Variants in CFAP65 observed in about 807,000 individuals in gnomAD.
The protein encoded by CFAP65 is cilia and flagella associated protein 65.
A neutral mutation model predicts 208.0 loss-of-function variants in CFAP65; 155 were observed. The observed-to-expected ratio is 0.75, with a 90% CI of 0.65 to 0.85. CFAP65 has a LOEUF of 0.85. CFAP65 is among the 40% of genes least tolerant of loss of function. The probability of loss-of-function intolerance (pLI) is 0.00; values close to 1 mark genes in which losing one functional copy is unlikely to be tolerated. For missense variants in CFAP65, 2,294 were observed against 2,451.3 expected (o/e 0.94, Z 1.36); for synonymous variants, 970 against 986.3 (o/e 0.98, Z 0.31).
Position 219,003,349 on chromosome 2 carries a change from A to C in CFAP65, c.5556-77T>G. On this transcript the variant is annotated intron_variant, in intron 33 of 34. Transcript: ENST00000341552. The surrounding 1 kb of genome is among the most constrained non-coding windows in gnomAD (Gnocchi z 4.4). ...CCTCGCTCGCCTGTCCGTGCGGTAC[A>C]TTGTGCCGCGAGCTCTACGGAGATT... 1 of 1,445,850 alleles carries C rather than the reference A, an allele frequency of 6.9e-7. No individual in the cohort carries two copies. Among genetic ancestry groups the C allele is most frequent in the Non-Finnish European group, 9.1e-7 (1 of 1,098,424 alleles). The allele number at this position is 1,445,850 out of a possible 1,614,324, so 89.6% of individuals were successfully genotyped here. A position where few individuals can be genotyped will look rare whatever the true frequency, so the allele number is the denominator to read the frequency against.
intron 31 of CFAP65, 129 bp from the exon 32 acceptor site, chr2:219,005,691 A>G: frequency 9.3e-7 from 1 of 1,073,792 alleles, no homozygotes; most frequent in South Asian, 1.5e-5. Context: ...GCCTTAACCC[A>G]AATGTAGTGC....
intron 21 of CFAP65, chr2:219,018,296 C>T (rs548204764): frequency 6.6e-6 from 1 of 152,300 alleles, no homozygotes; most frequent in Admixed American, 6.5e-5. Context: ...AACAAAGGCA[C>T]ATGGTGGAGG....
chr2:219,023,983 AAGGACCC>A lies in CFAP65; in HGVS notation c.2595+25_2595+31del, dbSNP rs754175885. ...TGGTTCAAGATTATGGCCCATTCCC[AAGGACCC>A]AGGTCCCCTCCCTCTGCCTCCTACC... On this transcript the variant is annotated intron_variant, in intron 15 of 34. Transcript: ENST00000341552. 1.1e-5 allele frequency: 18 copies of A among 1,600,606 alleles called. No homozygotes were observed. In the African/African-American group the frequency reaches 1.7e-4, roughly 15 times the overall value.
chr2:219,035,240 A>C, intron 5 of CFAP65: 7 of 1,363,936 alleles, frequency 5.1e-6, no homozygotes, highest in Non-Finnish European at 6.8e-6. Flanking sequence ...GAAACAGCCC[A>C]AACTTCCTTC....
Position 219,024,137 on chromosome 2 carries a change from T to A in CFAP65, c.2473A>T (p.Thr825Ser). The change falls in exon 15 of 35, where the codon ACT becomes TCT. Residue 825 changes from threonine (T) to serine (S), a missense_variant. Around this residue, in one of 2 missense-constraint regions of CFAP65, gnomAD observed 1,427 missense variants for 1,438.7 expected, o/e 0.99. Transcript: ENST00000341552. ...GCCCCGGGTGCCACAAGGCCCGAAG[T>A]GGGCCGAAGGATGACGTCTGAGCCT... ...QRGSDVILRP[T>S]SGLVAPGAHQ... is the part of the protein sequence containing the mutation. 6.2e-7 allele frequency: 1 copy of A among 1,613,936 alleles called. No individual in the cohort carries two copies. The highest frequency in any genetic ancestry group is 8.5e-7 in the Non-Finnish European group (1 of 1,180,008).
chr2:219,026,240 C>T, intron 13 of CFAP65, 81 bp from the exon 14 acceptor site: 1 of 1,481,702 alleles, frequency 6.7e-7, no homozygotes. Flanking sequence ...CCTCCTTGCC[C>T]TTGTGCTGCA....
rs1266245021 is a variant in CFAP65 at position 219,009,037 on chromosome 2, C to T, written c.4674+10G>A. The T allele has an allele frequency of 2.5e-6, 4 of 1,602,954 alleles. No individual in the cohort carries two copies. The highest frequency in any genetic ancestry group is 2.7e-5 in the African/African-American group (2 of 74,734). On this transcript the variant is annotated intron_variant, in intron 29 of 34. Transcript: ENST00000341552. ...ATCTGGGTGTTTGAGATCTACTCAG[C>T]CCTCCTCACCTTCACTTTCATGTCG... is the stretch of plus-strand genomic sequence containing the variant.
intron 21 of CFAP65, 118 bp from the exon 22 acceptor site, chr2:219,014,162 C>T (rs1946680746): frequency 1.2e-6 from 1 of 852,640 alleles, no homozygotes; most frequent in African/African-American, 1.7e-5. Context: ...ACTTCATGCA[C>T]CCATTTGGCA....
In CFAP65 at chr2:219,024,143, G is replaced by A. The variant is rs145857098; in HGVS notation, c.2467C>T (p.Arg823Trp). ...APQRGSDVIL[R>W]PTSGLVAPGA... Reference sequence around the variant, plus strand: ...GGTGCCACAAGGCCCGAAGTGGGCCGAAGGATGACGTCTGAGCCTCTCTGG... The same window carrying A: ...GGTGCCACAAGGCCCGAAGTGGGCCAAAGGATGACGTCTGAGCCTCTCTGG... The change falls in exon 15 of 35, where the codon CGG becomes TGG. Residue 823 changes from arginine (R) to tryptophan (W), a missense_variant. By Grantham distance (101) the Arg-to-Trp change is moderately radical. This residue lies in a region of CFAP65 where 1,427 missense variants were observed against 1,438.7 expected (regional missense o/e 0.99). Transcript: ENST00000341552. 1.3e-5 allele frequency: 21 copies of A among 1,614,026 alleles called. No individual in the cohort carries two copies. In the Middle Eastern group the frequency reaches 5.0e-4, roughly 38 times the overall value.
At chr2:219,015,008 A>G (rs1946764723) in intron 21 of CFAP65, 1 of 152,504 alleles carries the variant, frequency 6.6e-6, no homozygotes, top group African/African-American at 2.4e-5. Context: ...CATGCAACAC[A>G]CACCTGAGAG....
Position 219,029,472 on chromosome 2 carries a change from C to G in CFAP65, c.1581G>C (p.Leu527=), listed in dbSNP as rs2106220478. The G allele has an allele frequency of 6.2e-7, 1 of 1,614,096 alleles. No individual in the cohort carries two copies. The highest frequency in any genetic ancestry group is 1.3e-5 in the African/African-American group (1 of 75,042). ...GTLVGKARMT[L]HCAFQPTHPI... ...GGTGAGTGGGCTGGAAGGCACAGTG[C>G]AGGGTCATACGGGCCTTGCCCACCA... The change falls in exon 11 of 35, where the codon CTG becomes CTC. Residue 527 remains leucine, a synonymous_variant. Coordinates refer to ENST00000341552, the MANE Select transcript of CFAP65 (RefSeq NM_194302.4).
rs763833275 is a variant in CFAP65, at chr2:219,019,728, G to C, written c.3260-9C>G. 3.1e-6 allele frequency: 5 copies of C among 1,611,248 alleles called. No homozygotes were observed. Among genetic ancestry groups the C allele is most frequent in the Non-Finnish European group, 3.4e-6 (4 of 1,178,774 alleles). On this transcript the variant is annotated splice_polypyrimidine_tract_variant and intron_variant, in intron 19 of 34. Transcript: ENST00000341552. The stretch of plus-strand genomic sequence containing the variant: ...CTCCCCAGCCTTGTTATCTGGGGAG[G>C]GGGGTGAGGAAGACAGAAGTGGGCT...
At position 219,006,073 on chromosome 2, in the gene CFAP65, C is replaced by A; in HGVS notation, c.4870G>T (p.Asp1624Tyr). The A allele has an allele frequency of 6.2e-7, 1 of 1,613,504 alleles. No homozygotes were observed. Among genetic ancestry groups the A allele is most frequent in the South Asian group, 1.1e-5 (1 of 91,086 alleles). The part of the protein sequence containing the change: ...LGLTARAHAT[D>Y]YFLANFFSEF... ...GAGAAGAAGTTAGCCAGAAAGTAGT[C>A]GGTGGCATGGGCTCGGGCAGTAAGG... Residue 1624 changes from aspartate to tyrosine, a missense_variant, in exon 31 of 35, where the codon GAC becomes TAC. Physicochemically the swap from Asp to Tyr is radical, Grantham distance 160 (BLOSUM62 -3). Around this residue, in one of 2 missense-constraint regions of CFAP65, gnomAD observed 1,427 missense variants for 1,438.7 expected, o/e 0.99. Coordinates refer to ENST00000341552, the MANE Select transcript of CFAP65 (RefSeq NM_194302.4).
At chr2:219,009,290 A>C (rs1574528985) in intron 28 of CFAP65, 57 bp downstream of exon 28, 1 of 1,480,670 alleles carries the variant, frequency 6.8e-7, no homozygotes, top group Admixed American at 1.7e-5. Flanking sequence ...ATCACACCCC[A>C]CCCCAGCATT....
At position 219,019,150 on chromosome 2, in the gene CFAP65, G is replaced by A; in HGVS notation, c.3503C>T (p.Pro1168Leu). 2 of 1,614,102 alleles carry A rather than the reference G, an allele frequency of 1.2e-6. No homozygotes were observed. The highest frequency in any genetic ancestry group is 1.7e-6 in the Non-Finnish European group (2 of 1,179,986). Residue 1168 changes from proline to leucine, a missense_variant, in exon 21 of 35, where the codon CCT becomes CTT. Coordinates refer to ENST00000341552, the MANE Select transcript of CFAP65 (RefSeq NM_194302.4). ...SMSQIPPVLT[P>L]LRLDFNFGAA... The stretch of plus-strand genomic sequence containing the variant: ...CCCGAAATTGAAGTCAAGCCTTAAA[G>A]GGGTGAGGACGGGGGGGATCTGGCT...
chr2:219,032,570 G>T lies in CFAP65; in HGVS notation c.545C>A (p.Pro182His). The part of the protein sequence containing the change: ...SLKLQKMKYR[P>H]PKTKFFFTVI... ...CGTGAAGAAGAACTTGGTCTTGGGG[G>T]GCCTGCAGGAGAGAGCCGGTGGGGA... The change falls in exon 6 of 35, where the codon CCC (proline) becomes CAC (histidine). Residue 182 changes from proline (P) to histidine (H), a missense_variant and splice_region_variant. Physicochemically the swap from Pro to His is moderately conservative, Grantham distance 77. Coordinates refer to ENST00000341552, the MANE Select transcript of CFAP65 (RefSeq NM_194302.4). The surrounding 1 kb of genome is among the most constrained non-coding windows in gnomAD (Gnocchi z 5.5). The T allele has an allele frequency of 6.3e-7, 1 of 1,595,236 alleles. No homozygotes were observed.
intron 31 of CFAP65, 96 bp downstream of exon 31, chr2:219,005,925 C>T: frequency 8.0e-7 from 1 of 1,243,102 alleles, no homozygotes; most frequent in Non-Finnish European, 1.1e-6. Flanking sequence ...CATGCTCCAC[C>T]CCTCACCATG....
At position 219,038,364 on chromosome 2, in the gene CFAP65, T is replaced by G. The variant is rs533198987; in HGVS notation, c.357+11A>C. On this transcript the variant is annotated intron_variant, in intron 4 of 34. Coordinates refer to ENST00000341552, the MANE Select transcript of CFAP65 (RefSeq NM_194302.4). ...CACACCCTGCTCTGCCTGCCCTGGC[T>G]GTATCCTTACCTGGGCGCTGATGGT... 2 of 1,610,848 alleles carry G rather than the reference T, an allele frequency of 1.2e-6. No homozygotes were observed. Among genetic ancestry groups the G allele is most frequent in the Admixed American group, 3.3e-5 (2 of 59,910 alleles).
Position 219,032,534 on chromosome 2 carries a change from T to G in CFAP65, c.581A>C (p.Gln194Pro). 6.2e-7 allele frequency: 1 copy of G among 1,606,688 alleles called. No homozygotes were observed. Among genetic ancestry groups the G allele is most frequent in the Non-Finnish European group, 8.5e-7 (1 of 1,176,774 alleles). ...KTKFFFTVIP[Q>P]PIFLSPGITL... ...TATGCCTGGGCTCAGGAAGATGGGC[T>G]GAGGGATGACCGTGAAGAAGAACTT... Residue 194 changes from glutamine (Q) to proline (P), a missense_variant, in exon 6 of 35, where the codon CAG becomes CCG. Physicochemically the swap from Gln to Pro is moderately conservative, Grantham distance 76. Transcript: ENST00000341552. The surrounding 1 kb of genome is among the most constrained non-coding windows in gnomAD (Gnocchi z 5.5).
Sources: gnomAD v4.1 joint callset for allele counts on GRCh38, gnomAD v4.1.1 for gene constraint, gnomAD v4.1.1 regional missense constraint, Gnocchi (gnomAD v3.1) non-coding constraint, MANE v1.5 for transcripts, NCBI Gene and HGNC (gene_info 2026-07-23, HGNC 2026-07-21) for gene names.